GABRA2: variants seen among roughly 807,000 people sequenced by gnomAD.
GABRA2 encodes the protein gamma-aminobutyric acid receptor subunit alpha-2.
In GABRA2, 16 loss-of-function variants were observed where a neutral mutation model predicts 48.7. The ratio of observed to expected loss-of-function variants is 0.33; its 90% CI spans 0.22 to 0.50. The LOEUF is 0.50. Ranked by LOEUF, GABRA2 falls within the 20% of genes least tolerant of loss-of-function variation. The probability of loss-of-function intolerance (pLI) is 0.98; values close to 1 mark genes in which losing one functional copy is unlikely to be tolerated. For missense variants in GABRA2, 275 were observed against 535.6 expected (o/e 0.51, Z 4.80); for synonymous variants, 185 against 184.5 (o/e 1.00, Z -0.02).
At chr4:46,291,469 G>C (rs1419821378) in intron 8 of GABRA2, among the ~76,000 whole-genome samples, 1 of 152,126 alleles carries the variant, frequency 6.6e-6, no homozygotes, top group African/African-American at 2.4e-5. Flanking sequence ...TGCCAAAGGA[G>C]ATTAACATTT....
intron 8 of GABRA2, among the ~76,000 whole-genome samples, chr4:46,274,372 T>G (rs966151614): frequency 6.6e-6 from 1 of 152,126 alleles, no homozygotes; most frequent in Admixed American, 6.6e-5. Flanking sequence ...AAGACACTTA[T>G]GTCTAAATTG....
At chr4:46,305,152 C>T (rs1234827309) in intron 7 of GABRA2, among the ~76,000 whole-genome samples, 2 of 149,966 alleles carry the variant, frequency 1.3e-5, no homozygotes, top group Non-Finnish European at 3.0e-5. Context: ...TCTCAGCAAA[C>T]TATCGCAAGG....
At chr4:46,378,738 G>A (rs1014098829) in intron 3 of GABRA2, among the ~76,000 whole-genome samples, 11 of 151,778 alleles carry the variant, frequency 7.2e-5, no homozygotes, top group Non-Finnish European at 1.3e-4. Flanking sequence ...GAGGTGGGAG[G>A]ATCACTTGAA....
chr4:46,356,480 T>G (rs983787071), intron 3 of GABRA2, among the ~76,000 whole-genome samples: 2 of 149,862 alleles, frequency 1.3e-5, no homozygotes, highest in African/African-American at 2.5e-5. Context: ...CCCACATGTA[T>G]AGTATCTAAC....
intron 2 of GABRA2, among the ~76,000 whole-genome samples, chr4:46,388,342 T>C (rs529127362): frequency 2.8e-4 from 42 of 152,344 alleles, no homozygotes; most frequent in Middle Eastern, 6.8e-3. Flanking sequence ...ATATTATAAG[T>C]GCCTATAATT....
chr4:46,244,526 T>C lies in GABRA2; in HGVS notation c.*5782A>G, dbSNP rs944009135. ...ATTGCAATCCCACCGGTGGCATCCC[T>C]TGGGATCAATTCAGGCGTCATTCTA... On this transcript the variant is annotated 3_prime_UTR_variant, in exon 10 of 10. Coordinates refer to ENST00000381620, the MANE Select transcript of GABRA2 (RefSeq NM_000807.4). Among the ~76,000 whole-genome samples, 1 of 151,464 alleles carries C rather than the reference T, an allele frequency of 6.6e-6. No individual in the cohort carries two copies. Among genetic ancestry groups the C allele is most frequent in the Admixed American group, 6.6e-5 (1 of 15,134 alleles).
rs1484084904 is a variant in GABRA2, at chr4:46,244,577, T to C, written c.*5731A>G. Among the ~76,000 whole-genome samples, 1 of 151,486 alleles carries C rather than the reference T, an allele frequency of 6.6e-6. No homozygotes were observed. The highest frequency in any genetic ancestry group is 6.6e-5 in the Admixed American group (1 of 15,130). On this transcript the variant is annotated 3_prime_UTR_variant, in exon 10 of 10. Transcript: ENST00000381620. Reference sequence around the variant, plus strand: ...TAAACGGTAACTTACAACAAAATATTTGATGAAATCAATACATAATCCTTG... The same window carrying C: ...TAAACGGTAACTTACAACAAAATATCTGATGAAATCAATACATAATCCTTG...
chr4:46,314,810 G>A lies in GABRA2; in HGVS notation c.256-2094C>T, dbSNP rs557728624. 7.9e-5 allele frequency among the ~76,000 whole-genome samples: 12 copies of A among 152,134 alleles called. 1 individual carries two copies. Among genetic ancestry groups the A allele is most frequent in the South Asian group, 4.1e-4 (2 of 4,830 alleles). On this transcript the variant is annotated intron_variant, in intron 4 of 9. Transcript: ENST00000381620. ...AGCTGCATCCATGTTGCTGCAGAGCGCAAGATTTTGTTCTCTTTTAAGGCT... is the reference window on the plus strand; with the variant it reads ...AGCTGCATCCATGTTGCTGCAGAGCACAAGATTTTGTTCTCTTTTAAGGCT...
chr4:46,244,246 G>A lies in GABRA2; in HGVS notation c.*6062C>T, dbSNP rs552776343. 1 of 151,706 alleles carries A rather than the reference G, an allele frequency of 6.6e-6. No homozygotes were observed. Among genetic ancestry groups the A allele is most frequent in the East Asian group, 2.0e-4 (1 of 5,116 alleles). The allele number at this position is 151,706 out of a possible 1,614,324, so 9.4% of individuals were successfully genotyped here. A position where few individuals can be genotyped will look rare whatever the true frequency, so the allele number is the denominator to read the frequency against. ...CACAATCAATTGCTTCAACGACTAT[G>A]TCGAATATGTTAAAAATAAATTCTG... On this transcript the variant is annotated 3_prime_UTR_variant, in exon 10 of 10. Coordinates refer to ENST00000381620, the MANE Select transcript of GABRA2 (RefSeq NM_000807.4).
At chr4:46,368,065 G>A (rs1714317211) in intron 3 of GABRA2, 1 of 152,062 alleles carries the variant, frequency 6.6e-6, no homozygotes, top group Non-Finnish European at 1.5e-5. Context: ...TTAGGTGGTG[G>A]AAGTCCATCA....
intron 3 of GABRA2, among the ~76,000 whole-genome samples, chr4:46,341,263 G>A (rs1733173669): frequency 6.6e-6 from 1 of 151,820 alleles, no homozygotes; most frequent in Non-Finnish European, 1.5e-5. Flanking sequence ...AGTTTTTTCT[G>A]TATATGGAAC....
intron 8 of GABRA2, among the ~76,000 whole-genome samples, chr4:46,292,017 T>A (rs558388924): frequency 1.3e-5 from 2 of 152,200 alleles, no homozygotes; most frequent in East Asian, 3.9e-4. Flanking sequence ...ACACTGATGA[T>A]CCTTGGCATG....
intron 3 of GABRA2, among the ~76,000 whole-genome samples, chr4:46,346,577 T>G (rs2109881170): frequency 6.7e-6 from 1 of 149,414 alleles, no homozygotes; most frequent in East Asian, 2.0e-4. Context: ...GTGTTGCATA[T>G]TTATGTATTA....
At chr4:46,382,446 G>A (rs1027636662) in intron 3 of GABRA2, among the ~76,000 whole-genome samples, 2 of 151,966 alleles carry the variant, frequency 1.3e-5, no homozygotes, top group African/African-American at 2.4e-5. Context: ...TAGCAAGAAG[G>A]AGAGTTGTGT....
At chr4:46,312,782 C>T (rs1727870640) in intron 4 of GABRA2, 66 bp from the exon 5 acceptor site, 1 of 779,552 alleles carries the variant, frequency 1.3e-6, no homozygotes, top group Non-Finnish European at 2.0e-6. Flanking sequence ...CGGTAAAATT[C>T]CAAAATAATA....
At chr4:46,320,208 C>G (rs1304724809) in intron 4 of GABRA2, among the ~76,000 whole-genome samples, 1 of 151,654 alleles carries the variant, frequency 6.6e-6, no homozygotes, top group Admixed American at 6.6e-5. Flanking sequence ...TTCTTCAAAA[C>G]CTGATGTTGG....
chr4:46,313,120 TAAA>T (rs1727935998), intron 4 of GABRA2, among the ~76,000 whole-genome samples: 2 of 29,208 alleles, frequency 6.8e-5, no homozygotes, highest in Non-Finnish European at 1.3e-4. Flanking sequence ...CAGTAGCAAA[TAAA>T]TAAATAAATA....
chr4:46,320,763 T>C (rs1335903985), intron 4 of GABRA2, among the ~76,000 whole-genome samples: 1 of 151,776 alleles, frequency 6.6e-6, no homozygotes, highest in Non-Finnish European at 1.5e-5. Context: ...TTGGCCAGGG[T>C]GTAGATAAAA....
chr4:46,267,278 G>C (rs1177898565), intron 8 of GABRA2, among the ~76,000 whole-genome samples: 2 of 151,718 alleles, frequency 1.3e-5, no homozygotes, highest in African/African-American at 4.9e-5. Context: ...ATGATAATTT[G>C]AACTACAGAA....
Sources: gnomAD v4.1 joint callset for allele counts (sites outside exome capture counted in the v4.1 genomes callset) on GRCh38, gnomAD v4.1.1 for gene constraint, MANE v1.5 for transcripts, NCBI Gene and HGNC (gene_info 2026-07-23, HGNC 2026-07-21) for gene names.